Variants in DAAM2 observed in about 807,000 individuals in gnomAD.
DAAM2 encodes dishevelled associated activator of morphogenesis 2.
DAAM2 carries 39 observed loss-of-function variants against 120.7 expected under a neutral mutation model. The ratio of observed to expected loss-of-function variants is 0.32; its 90% CI spans 0.25 to 0.42. The LOEUF (loss-of-function observed/expected upper bound fraction) is 0.42, where lower values mean the gene tolerates loss of function less well. DAAM2 is among the 10% of genes least tolerant of loss of function. The pLI, the probability that DAAM2 is intolerant of heterozygous loss-of-function variation, is 1.00. For synonymous variants in DAAM2, 488 were observed against 524.9 expected (o/e 0.93, Z 0.96); for missense variants, 1,283 against 1,401.7 (o/e 0.92, Z 1.35).
intron 1 of DAAM2, among the ~76,000 whole-genome samples, chr6:39,811,089 G>A (rs1762145330): frequency 6.6e-6 from 1 of 152,006 alleles, no homozygotes; most frequent in African/African-American, 2.4e-5. Flanking sequence ...AAGGCATTTA[G>A]CACAAGGGGT....
intron 1 of DAAM2, among the ~76,000 whole-genome samples, chr6:39,843,814 T>C (rs1195734101): frequency 6.6e-6 from 1 of 152,086 alleles, no homozygotes; most frequent in African/African-American, 2.4e-5. Context: ...CTGAGTTCTT[T>C]CCTGTGAGCT....
intron 1 of DAAM2, among the ~76,000 whole-genome samples, chr6:39,827,074 T>C (rs1015427381): frequency 2.0e-5 from 3 of 152,196 alleles, no homozygotes; most frequent in Admixed American, 2.0e-4. Flanking sequence ...TATTGCATTT[T>C]TGTAGTTGTT....
chr6:39,878,606 C>T lies in DAAM2; in HGVS notation c.1545+18C>T, dbSNP rs1228524220. ...AACTCTCAGTATGCAAGCATCTCCC[C>T]CTTTACATAGTTGAGCCAAGACCCT... is the stretch of plus-strand genomic sequence containing the variant. On this transcript the variant is annotated intron_variant, in intron 13 of 24. Transcript: ENST00000274867. This position sits in a 1 kb window ranked among gnomAD's most constrained non-coding sequence, Gnocchi z 5.0. 6.3e-6 allele frequency: 10 copies of T among 1,590,282 alleles called. No homozygotes were observed. Among genetic ancestry groups the T allele is most frequent in the Non-Finnish European group, 8.6e-6 (10 of 1,169,138 alleles).
chr6:39,878,232 G>T lies in DAAM2; in HGVS notation c.1331G>T (p.Trp444Leu), dbSNP rs1414500673. The T allele has an allele frequency of 6.2e-7, 1 of 1,614,006 alleles. No homozygotes were observed. Among genetic ancestry groups the T allele is most frequent in the Admixed American group, 1.7e-5 (1 of 60,032 alleles). Residue 444 changes from tryptophan to leucine, a missense_variant, in exon 12 of 25, where the codon TGG (tryptophan) becomes TTG (leucine). Physicochemically the swap from Trp to Leu is moderately conservative, Grantham distance 61. This residue lies in a region of DAAM2 where 338 missense variants were observed against 443.9 expected (regional missense o/e 0.76). Coordinates refer to ENST00000274867, the MANE Select transcript of DAAM2 (RefSeq NM_001201427.2). The surrounding 1 kb of genome is among the most constrained non-coding windows in gnomAD (Gnocchi z 5.0). Reference protein sequence around the residue: ...MLINENEVKQWRDQAEKFRKE... With the variant: ...MLINENEVKQLRDQAEKFRKE... ...ATCAACGAGAATGAAGTGAAACAGT[G>T]GCGAGACCAGGCAGAGAAGTTCCGG...
chr6:39,868,782 C>G, intron 6 of DAAM2, 41 bp from the exon 7 acceptor site: 3 of 1,473,364 alleles, frequency 2.0e-6, no homozygotes, highest in Non-Finnish European at 9.3e-7. Context: ...CTGTTGGGAA[C>G]TCAGCCCTCT....
chr6:39,823,919 C>T (rs1195522095), intron 1 of DAAM2, among the ~76,000 whole-genome samples: 3 of 152,104 alleles, frequency 2.0e-5, no homozygotes, highest in African/African-American at 7.2e-5. Flanking sequence ...TTGGGTCTTG[C>T]TGTCATCTCT....
intron 1 of DAAM2, among the ~76,000 whole-genome samples, chr6:39,843,801 G>T (rs1172029795): frequency 6.6e-6 from 1 of 152,140 alleles, no homozygotes; most frequent in Non-Finnish European, 1.5e-5. Flanking sequence ...GGTCATGCAA[G>T]CACTGAGTTC....
chr6:39,880,665 C>T (rs1430798991), intron 14 of DAAM2, among the ~76,000 whole-genome samples: 1 of 152,134 alleles, frequency 6.6e-6, no homozygotes, highest in East Asian at 1.9e-4. Flanking sequence ...TCAGTTTGCT[C>T]ATGTGTGAAA....
intron 1 of DAAM2, among the ~76,000 whole-genome samples, chr6:39,814,368 G>GA (rs1762250038): frequency 1.3e-5 from 2 of 152,070 alleles, no homozygotes; most frequent in Admixed American, 6.5e-5. Context: ...TGTGAGTTGG[G>GA]AGCAGTAACA....
intron 5 of DAAM2, among the ~76,000 whole-genome samples, chr6:39,866,314 T>C (rs1003216980): frequency 6.6e-6 from 1 of 152,224 alleles, no homozygotes; most frequent in African/African-American, 2.4e-5. Flanking sequence ...AGTTACATAT[T>C]GTCATTGTGG....
chr6:39,866,689 C>T (rs998803307), intron 5 of DAAM2, among the ~76,000 whole-genome samples: 11 of 152,208 alleles, frequency 7.2e-5, no homozygotes, highest in African/African-American at 2.2e-4. Flanking sequence ...TGCTTCTTTA[C>T]ACCTTAAATA....
At position 39,878,194 on chromosome 6, in the gene DAAM2, C is replaced by T; in HGVS notation, c.1302-9C>T. ...AATCACATTGCCCCTTCCCTCTATG[C>T]CCTGCCAGGCTCATCAACGAGAATG... On this transcript the variant is annotated splice_polypyrimidine_tract_variant and intron_variant, in intron 11 of 24. Coordinates refer to ENST00000274867, the MANE Select transcript of DAAM2 (RefSeq NM_001201427.2). The surrounding 1 kb of genome is among the most constrained non-coding windows in gnomAD (Gnocchi z 5.0). 1 of 1,613,758 alleles carries T rather than the reference C, an allele frequency of 6.2e-7. No individual in the cohort carries two copies. The highest frequency in any genetic ancestry group is 1.6e-4 in the Middle Eastern group (1 of 6,062).
At chr6:39,830,076 G>A (rs1304408672) in intron 1 of DAAM2, among the ~76,000 whole-genome samples, 1 of 152,044 alleles carries the variant, frequency 6.6e-6, no homozygotes, top group South Asian at 2.1e-4. Flanking sequence ...CTTTCCGACT[G>A]GGAGATTTTT....
rs550514859 is a variant in DAAM2, at chr6:39,876,773, T to C, written c.1301+1305T>C. On this transcript the variant is annotated intron_variant, in intron 11 of 24. Transcript: ENST00000274867. ...TGTGTGCACATATGTCTGTGTGTGA[T>C]ATTTGCCTTCTTTTCTCTGTTCTAT... 5.3e-5 allele frequency among the ~76,000 whole-genome samples: 8 copies of C among 152,162 alleles called. No homozygotes were observed. The South Asian group carries it at 1.7e-3, about 32-fold the overall frequency.
intron 14 of DAAM2, chr6:39,879,787 A>G: frequency 2.0e-6 from 1 of 496,746 alleles, no homozygotes; most frequent in Non-Finnish European, 3.7e-6. Context: ...ATTCAAGGAC[A>G]GGGTCCAGTT....
At chr6:39,798,378 G>T (rs901815473) in intron 1 of DAAM2, among the ~76,000 whole-genome samples, 5 of 152,204 alleles carry the variant, frequency 3.3e-5, no homozygotes, top group African/African-American at 1.2e-4. Context: ...TATAGCTATG[G>T]TAGTTGCTGT....
chr6:39,900,024 C>T (rs1766378878), intron 22 of DAAM2, 53 bp from the exon 23 acceptor site: 1 of 1,564,380 alleles, frequency 6.4e-7, no homozygotes, highest in Non-Finnish European at 8.7e-7. Flanking sequence ...GACCCCTGCA[C>T]CCGACTCTCA....
At position 39,860,909 on chromosome 6, in the gene DAAM2, T is replaced by C; in HGVS notation, c.169-19T>C. 4 of 1,603,424 alleles carry C rather than the reference T, an allele frequency of 2.5e-6. No individual in the cohort carries two copies. Among genetic ancestry groups the C allele is most frequent in the Non-Finnish European group, 3.4e-6 (4 of 1,172,986 alleles). The stretch of plus-strand genomic sequence containing the variant: ...ACCATCCCTAGTGTCAGACGTATTT[T>C]TTCTTATTGTCTTTGCAGGATGAAT... On this transcript the variant is annotated intron_variant, in intron 2 of 24. Coordinates refer to ENST00000274867, the MANE Select transcript of DAAM2 (RefSeq NM_001201427.2).
chr6:39,891,084 C>A (rs1311176042), intron 17 of DAAM2, among the ~76,000 whole-genome samples: 4 of 124,958 alleles, frequency 3.2e-5, no homozygotes, highest in Non-Finnish European at 5.2e-5. Context: ...CAGAGTGAGA[C>A]CCTATTAAAA....
Sources: gnomAD v4.1 joint callset for allele counts (sites outside exome capture counted in the v4.1 genomes callset) on GRCh38, gnomAD v4.1.1 for gene constraint, gnomAD v4.1.1 regional missense constraint, Gnocchi (gnomAD v3.1) non-coding constraint, MANE v1.5 for transcripts, NCBI Gene and HGNC (gene_info 2026-07-23, HGNC 2026-07-21) for gene names.